Variants in TENM4 observed in about 807,000 individuals in gnomAD.
TENM4 encodes the protein teneurin transmembrane protein 4, also known as teneurin-4.
A neutral mutation model predicts 243.3 loss-of-function variants in TENM4; 82 were observed. The ratio of observed to expected loss-of-function variants is 0.34; its 90% CI spans 0.28 to 0.40. The LOEUF (loss-of-function observed/expected upper bound fraction) is 0.40, where lower values mean the gene tolerates loss of function less well. Among genes scored for constraint, TENM4 ranks in the 10% least tolerant of loss-of-function variants. The pLI is 1.00. For synonymous variants in TENM4, 1,412 were observed against 1,456.3 expected, an observed-to-expected ratio of 0.97 and a Z score of 0.69; for missense variants, 3,138 against 3,673.3, an observed-to-expected ratio of 0.85 and a Z score of 3.77.
At chr11:79,088,728 T>C (rs540020838) in intron 4 of TENM4, among the ~76,000 whole-genome samples, 1 of 152,310 alleles carries the variant, frequency 6.6e-6, no homozygotes, top group South Asian at 2.1e-4. Context: ...TTCACACTAT[T>C]GCATTAAGAC....
intron 3 of TENM4, among the ~76,000 whole-genome samples, chr11:79,202,073 C>T (rs1863749181): frequency 6.6e-6 from 1 of 152,134 alleles, no homozygotes; most frequent in South Asian, 2.1e-4. Flanking sequence ...ATGGGAAGGA[C>T]TGGGGAAGTG....
intron 2 of TENM4, among the ~76,000 whole-genome samples, chr11:79,295,167 G>A (rs1270256134): frequency 6.6e-6 from 1 of 152,288 alleles, no homozygotes; most frequent in South Asian, 2.1e-4. Context: ...CTGTTTAGGC[G>A]AATGAACATT....
intron 4 of TENM4, among the ~76,000 whole-genome samples, chr11:79,099,940 G>A (rs1023721975): frequency 6.6e-6 from 1 of 152,208 alleles, no homozygotes; most frequent in African/African-American, 2.4e-5. Context: ...GCCATTTGCT[G>A]CCCCAAGTAT....
chr11:78,935,487 G>A (rs892588041), intron 6 of TENM4, among the ~76,000 whole-genome samples: 48 of 152,162 alleles, frequency 3.2e-4, no homozygotes, highest in Non-Finnish European at 1.0e-4. Context: ...GAGGAAATGG[G>A]CTCAGAGAAA....
chr11:79,261,139 A>G (rs564956122), intron 2 of TENM4, among the ~76,000 whole-genome samples: 13 of 152,258 alleles, frequency 8.5e-5, no homozygotes, highest in Non-Finnish European at 1.5e-4. Context: ...CTAGTGGGTA[A>G]TTTCTGACCT....
chr11:79,042,091 A>T (rs1591234523), intron 6 of TENM4, among the ~76,000 whole-genome samples: 1 of 152,318 alleles, frequency 6.6e-6, no homozygotes, highest in Non-Finnish European at 1.5e-5. Flanking sequence ...GGAGGAAAGA[A>T]CTACTTTCCC....
At chr11:78,712,810 G>C in intron 25 of TENM4, 96 bp from the exon 26 acceptor site, 1 of 1,169,902 alleles carries the variant, frequency 8.5e-7, no homozygotes, top group Non-Finnish European at 1.2e-6. Context: ...TAGAATCCAA[G>C]CAAAAATATC....
chr11:79,407,172 A>G (rs1268226062), intron 1 of TENM4, among the ~76,000 whole-genome samples: 2 of 152,214 alleles, frequency 1.3e-5, no homozygotes, highest in African/African-American at 2.4e-5. Context: ...TTTTATGGGA[A>G]TATTGATGGT....
At position 78,756,939 on chromosome 11, in the gene TENM4, G is replaced by C; in HGVS notation, c.2622C>G (p.Asn874Lys). ...GTGTCTCCTGGATGATGTCCAGAGG[G>C]TTAGGGGAGCCAAGGCACAGCGGGT... ...HINPLCLGSP[N>K]PLDIIQETQV... The change falls in exon 19 of 34, where the codon AAC becomes AAG. Residue 874 changes from asparagine to lysine, a missense_variant. Around this residue, in one of 2 missense-constraint regions of TENM4, gnomAD observed 2,467 missense variants for 3,059.1 expected, o/e 0.81. Coordinates refer to ENST00000278550, the MANE Select transcript of TENM4 (RefSeq NM_001098816.3). The C allele has an allele frequency of 6.2e-7, 1 of 1,613,974 alleles. No individual in the cohort carries two copies. Among genetic ancestry groups the C allele is most frequent in the Non-Finnish European group, 8.5e-7 (1 of 1,179,886 alleles).
intron 1 of TENM4, among the ~76,000 whole-genome samples, chr11:79,312,723 C>G (rs958713999): frequency 2.0e-5 from 3 of 152,192 alleles, no homozygotes; most frequent in Admixed American, 1.3e-4. Flanking sequence ...GTGTTCCCAA[C>G]ACTTCTTGGT....
At chr11:78,905,999 G>A (rs1856055343) in intron 6 of TENM4, among the ~76,000 whole-genome samples, 1 of 152,016 alleles carries the variant, frequency 6.6e-6, no homozygotes, top group Non-Finnish European at 1.5e-5. Flanking sequence ...CAGGCTGCTG[G>A]CAGTAGTTCA....
intron 6 of TENM4, among the ~76,000 whole-genome samples, chr11:79,000,765 T>A (rs1019255579): frequency 6.6e-6 from 1 of 152,234 alleles, no homozygotes; most frequent in Non-Finnish European, 1.5e-5. Context: ...GTGCAGCGGC[T>A]CATGCCTGTA....
At chr11:79,138,363 TAATATAA>T (rs1301002087) in intron 4 of TENM4, among the ~76,000 whole-genome samples, 1 of 123,076 alleles carries the variant, frequency 8.1e-6, no homozygotes, top group Non-Finnish European at 1.6e-5. Context: ...ATATAATATA[TAATATAA>T]ATATAATATA....
rs566222098 is a variant in TENM4 at position 79,074,379 on chromosome 11, G to A, written c.-65-4370C>T. On this transcript the variant is annotated intron_variant, in intron 4 of 33. Transcript: ENST00000278550. ...AGGACAGAAGGAATGCTGGGGAAGG[G>A]GCCCACCTCAGACCCTGCAACCCCC... Among the ~76,000 whole-genome samples, 3 of 152,184 alleles carry A rather than the reference G, an allele frequency of 2.0e-5. No individual in the cohort carries two copies. In the South Asian group the frequency reaches 6.2e-4, roughly 32 times the overall value.
chr11:78,979,944 A>G (rs1418182884), intron 6 of TENM4, among the ~76,000 whole-genome samples: 1 of 152,204 alleles, frequency 6.6e-6, no homozygotes, highest in African/African-American at 2.4e-5. Flanking sequence ...TAGAGTTCCA[A>G]TAATAAAACT....
intron 27 of TENM4, among the ~76,000 whole-genome samples, chr11:78,705,468 C>T (rs1859223150): frequency 6.6e-6 from 1 of 152,238 alleles, no homozygotes; most frequent in Non-Finnish European, 1.5e-5. Flanking sequence ...CTCAGCCTCT[C>T]TGGTTTCACC....
At chr11:79,340,538 C>G (rs1273971031) in intron 1 of TENM4, among the ~76,000 whole-genome samples, 1 of 152,200 alleles carries the variant, frequency 6.6e-6, no homozygotes, top group African/African-American at 2.4e-5. Context: ...AGAGAGGACT[C>G]TGGCAGCTGC....
chr11:79,260,098 C>T (rs983862538), intron 2 of TENM4, among the ~76,000 whole-genome samples: 2 of 152,190 alleles, frequency 1.3e-5, no homozygotes, highest in Admixed American at 6.5e-5. Flanking sequence ...GTGCCTCAAA[C>T]ATAGTTGTAC....
rs1381870231 is a variant in TENM4 at position 78,702,009 on chromosome 11, T to C, written c.4604A>G (p.Lys1535Arg). ...SGDDGYAKDA[K>R]LNTPSSLAVC... ...AGCCAAGGAAGATGGGGTATTTAAC[T>C]TTGCATCCTTGGCATAACCATCGTC... Residue 1535 changes from lysine (K) to arginine (R), a missense_variant, in exon 28 of 34, where the codon AAG (lysine) becomes AGG (arginine). Physicochemically the swap from Lys to Arg is conservative, Grantham distance 26 (BLOSUM62 2). Transcript: ENST00000278550. The C allele has an allele frequency of 6.2e-7, 1 of 1,613,826 alleles. No homozygotes were observed.
Sources: allele counts gnomAD v4.1 joint callset (sites outside exome capture counted in the v4.1 genomes callset), GRCh38; gene constraint gnomAD v4.1.1; regional missense constraint gnomAD v4.1.1; transcripts MANE v1.5; gene names NCBI Gene and HGNC (gene_info 2026-07-23, HGNC 2026-07-21).